FBXL17: variants seen among roughly 807,000 people sequenced by gnomAD.
FBXL17 encodes F-box/LRR-repeat protein 17.
A neutral mutation model predicts 66.2 loss-of-function variants in FBXL17; 22 were observed. That is an observed-to-expected ratio of 0.33 (90% CI 0.24 to 0.47). FBXL17 has a LOEUF of 0.47. Among genes scored for constraint, FBXL17 ranks in the 20% least tolerant of loss-of-function variants. The probability of loss-of-function intolerance (pLI) is 1.00; values close to 1 mark genes in which losing one functional copy is unlikely to be tolerated. For missense variants in FBXL17, 878 were observed against 948.2 expected (o/e 0.93, Z 0.97); for synonymous variants, 474 against 400.5 (o/e 1.18, Z -2.19).
intron 6 of FBXL17, among the ~76,000 whole-genome samples, chr5:108,119,897 A>G (rs1221846702): frequency 6.6e-6 from 1 of 152,212 alleles, no homozygotes; most frequent in African/African-American, 2.4e-5. Flanking sequence ...GTGGCCCACA[A>G]CCAGTGGTAT....
Position 108,140,396 on chromosome 5 carries a change from A to C in FBXL17, c.1745+45721T>G, listed in dbSNP as rs531285936. On this transcript the variant is annotated intron_variant, in intron 6 of 8. Coordinates refer to ENST00000542267, the MANE Select transcript of FBXL17 (RefSeq NM_001163315.3). ...GAGTCTTCTTTTGCAAGATCCTCCT[A>C]ATGCTAAATGCAAACTGCTTCCCAT... 3.3e-5 allele frequency among the ~76,000 whole-genome samples: 5 copies of C among 152,180 alleles called. No homozygotes were observed. The East Asian group carries it at 5.8e-4, about 18-fold the overall frequency.
chr5:108,178,337 T>C (rs1461122505), intron 6 of FBXL17, among the ~76,000 whole-genome samples: 1 of 152,142 alleles, frequency 6.6e-6, no homozygotes, highest in Non-Finnish European at 1.5e-5. Flanking sequence ...TGAGCCACCA[T>C]GCCTGGCCTC....
At chr5:108,364,029 C>T (rs1748504037) in intron 3 of FBXL17, among the ~76,000 whole-genome samples, 1 of 151,898 alleles carries the variant, frequency 6.6e-6, no homozygotes, top group Non-Finnish European at 1.5e-5. Context: ...ACAAAATAGG[C>T]TCCCTTATAA....
At chr5:107,937,126 T>C (rs534679084) in intron 7 of FBXL17, among the ~76,000 whole-genome samples, 1 of 152,120 alleles carries the variant, frequency 6.6e-6, no homozygotes, top group South Asian at 2.1e-4. Context: ...AAATAAGTCA[T>C]ATTACTAAAC....
At chr5:108,133,751 T>A (rs909694454) in intron 6 of FBXL17, among the ~76,000 whole-genome samples, 1 of 152,156 alleles carries the variant, frequency 6.6e-6, no homozygotes, top group African/African-American at 2.4e-5. Context: ...GAGTCAAATA[T>A]CTCAGCTAGA....
intron 1 of FBXL17, 85 bp downstream of exon 1, chr5:108,380,614 T>G (rs1580936862): frequency 1.3e-5 from 11 of 834,630 alleles, no homozygotes; most frequent in African/African-American, 2.0e-5. Context: ...TCCTCCGCGC[T>G]TAGGGGGAGG....
At chr5:107,872,301 G>A (rs796743495) in intron 8 of FBXL17, among the ~76,000 whole-genome samples, 11 of 152,296 alleles carry the variant, frequency 7.2e-5, no homozygotes, top group South Asian at 6.2e-4. Context: ...TGCAGCTGCC[G>A]TCACAACCCC....
At chr5:108,316,764 C>T (rs922055812) in intron 4 of FBXL17, among the ~76,000 whole-genome samples, 1 of 150,650 alleles carries the variant, frequency 6.6e-6, no homozygotes, top group Non-Finnish European at 1.5e-5. Flanking sequence ...CTAAAATAAA[C>T]CTTAAAATAA....
chr5:108,291,884 G>A (rs139042475), intron 4 of FBXL17, among the ~76,000 whole-genome samples: 384 of 152,240 alleles, frequency 2.5e-3, no homozygotes, highest in Non-Finnish European at 2.8e-3. Flanking sequence ...CTTGCTGGCT[G>A]ACTCTACTTC....
chr5:108,091,819 A>G (rs888321110), intron 6 of FBXL17, among the ~76,000 whole-genome samples: 5 of 152,228 alleles, frequency 3.3e-5, no homozygotes, highest in African/African-American at 1.2e-4. Context: ...CATTTCACTG[A>G]AACTGAGGTA....
chr5:108,006,057 G>C (rs1753909042), intron 7 of FBXL17, among the ~76,000 whole-genome samples: 1 of 152,158 alleles, frequency 6.6e-6, no homozygotes, highest in Admixed American at 6.5e-5. Flanking sequence ...CTGTGCCAAG[G>C]GTGGCCTATG....
At position 108,192,949 on chromosome 5, in the gene FBXL17, A is replaced by C. The variant is rs371107990; in HGVS notation, c.1615-6702T>G. On this transcript the variant is annotated intron_variant, in intron 5 of 8. Transcript: ENST00000542267. ...AAAGAGGACTCACATTACCTTAGCAAAGGCAGCATGGATGTTCTATCACTT... is the reference window on the plus strand; with the variant it reads ...AAAGAGGACTCACATTACCTTAGCACAGGCAGCATGGATGTTCTATCACTT... 1.1e-4 allele frequency among the ~76,000 whole-genome samples: 17 copies of C among 152,332 alleles called. No individual in the cohort carries two copies. In the East Asian group the frequency reaches 3.3e-3, roughly 29 times the overall value.
intron 7 of FBXL17, among the ~76,000 whole-genome samples, chr5:108,012,580 T>C (rs1328659011): frequency 6.6e-6 from 1 of 152,170 alleles, no homozygotes; most frequent in Non-Finnish European, 1.5e-5. Context: ...TTGCTAATAA[T>C]AAATACAACA....
chr5:107,929,004 T>A (rs10066056), intron 7 of FBXL17, among the ~76,000 whole-genome samples: 94,292 of 151,960 alleles, frequency 0.62, 29,464 homozygotes, highest in African/African-American at 0.7. Flanking sequence ...TCTCCATTTC[T>A]TGCACTGCCA....
At chr5:107,873,496 C>G (rs1014693532) in intron 8 of FBXL17, among the ~76,000 whole-genome samples, 2 of 152,116 alleles carry the variant, frequency 1.3e-5, no homozygotes, top group African/African-American at 4.8e-5. Context: ...CAAACAGGAA[C>G]AGGATTTTCT....
At chr5:107,949,918 T>C (rs7719354) in intron 7 of FBXL17, among the ~76,000 whole-genome samples, 79,876 of 151,924 alleles carry the variant, frequency 0.53, 21,493 homozygotes, top group East Asian at 0.62. Flanking sequence ...ACGTTCTACA[T>C]GACTTCTAAA....
At chr5:107,990,722 G>A (rs573605448) in intron 7 of FBXL17, among the ~76,000 whole-genome samples, 1 of 152,244 alleles carries the variant, frequency 6.6e-6, no homozygotes, top group South Asian at 2.1e-4. Flanking sequence ...AAGAAATAAT[G>A]TTAGTCTTAT....
At chr5:108,281,405 T>C (rs1172484958) in intron 4 of FBXL17, among the ~76,000 whole-genome samples, 1 of 151,850 alleles carries the variant, frequency 6.6e-6, no homozygotes, top group Non-Finnish European at 1.5e-5. Context: ...TACAAATACA[T>C]GGAAATTACA....
intron 7 of FBXL17, among the ~76,000 whole-genome samples, chr5:107,957,242 A>T (rs1751698533): frequency 6.6e-6 from 1 of 152,184 alleles, no homozygotes; most frequent in South Asian, 2.1e-4. Context: ...TAATAGGGAC[A>T]GAGACCCAGG....
Sources: gnomAD v4.1 joint callset for allele counts (sites outside exome capture counted in the v4.1 genomes callset) on GRCh38, gnomAD v4.1.1 for gene constraint, MANE v1.5 for transcripts, NCBI Gene and HGNC (gene_info 2026-07-23, HGNC 2026-07-21) for gene names.